Variants in DNAI7 observed in about 807,000 individuals in gnomAD.
DNAI7 encodes dynein axonemal intermediate chain 7.
A neutral mutation model predicts 86.6 loss-of-function variants in DNAI7; 78 were observed. The observed-to-expected ratio is 0.90, with a 90% CI of 0.75 to 1.09. The LOEUF (loss-of-function observed/expected upper bound fraction) is 1.09. DNAI7 is among the 50% of genes least tolerant of loss of function. DNAI7 has a pLI of 0.00. For synonymous variants in DNAI7, 274 were observed against 273.0 expected (o/e 1.00, Z -0.04); for missense variants, 753 against 810.2 (o/e 0.93, Z 0.86).
rs1423086398 is a variant in DNAI7, at chr12:25,180,744, G to C, written c.21+9870C>G. Among the ~76,000 whole-genome samples, 3 of 152,188 alleles carry C rather than the reference G, an allele frequency of 2.0e-5. No individual in the cohort carries two copies. In the East Asian group the frequency reaches 5.8e-4, roughly 29 times the overall value. ...ACTGGCTAGCCACTTGCAGAAGAAT[G>C]AAACTGGACCCCTAACTCTTAACAT... is the stretch of plus-strand genomic sequence containing the variant. On this transcript the variant is annotated intron_variant, in intron 2 of 15. Coordinates refer to ENST00000395987, the MANE Select transcript of DNAI7 (RefSeq NM_018272.5).
chr12:25,189,133 A>G (rs1237629643), intron 2 of DNAI7, among the ~76,000 whole-genome samples: 2 of 152,338 alleles, frequency 1.3e-5, no homozygotes, highest in Non-Finnish European at 2.9e-5. Flanking sequence ...GAAAGAGCCC[A>G]AGTGTTTTTA....
At chr12:25,143,696 G>T (rs1030521897) in intron 9 of DNAI7, among the ~76,000 whole-genome samples, 4 of 152,080 alleles carry the variant, frequency 2.6e-5, no homozygotes, top group Admixed American at 6.5e-5. Flanking sequence ...CATGTCTTAA[G>T]CACTTGTCAG....
intron 8 of DNAI7, among the ~76,000 whole-genome samples, chr12:25,146,273 TAA>T (rs35853537): frequency 5.0e-4 from 73 of 147,144 alleles, no homozygotes; most frequent in African/African-American, 6.0e-4. Context: ...AAAGATACAT[TAA>T]AAAAAAAAAA....
chr12:25,161,255 C>T (rs1285851022), intron 2 of DNAI7, 58 bp from the exon 3 acceptor site: 2 of 1,399,922 alleles, frequency 1.4e-6, no homozygotes, highest in East Asian at 2.3e-5. Flanking sequence ...TTGAAAAACA[C>T]ATCTTTTCAA....
intron 9 of DNAI7, among the ~76,000 whole-genome samples, chr12:25,130,788 G>A (rs1245311185): frequency 6.6e-6 from 1 of 151,904 alleles, no homozygotes; most frequent in Non-Finnish European, 1.5e-5. Context: ...TAAAAAGTTT[G>A]CATGATATAG....
intron 1 of DNAI7, among the ~76,000 whole-genome samples, chr12:25,190,990 A>G (rs1321360420): frequency 6.6e-6 from 1 of 152,224 alleles, no homozygotes; most frequent in Non-Finnish European, 1.5e-5. Context: ...AAAGGGTTCA[A>G]AGGACAATAA....
intron 4 of DNAI7, among the ~76,000 whole-genome samples, chr12:25,155,875 T>C (rs1203180313): frequency 6.6e-6 from 1 of 152,078 alleles, no homozygotes; most frequent in Non-Finnish European, 1.5e-5. Flanking sequence ...TTTGGGAGGC[T>C]GAGGCAGGCG....
At chr12:25,190,939 C>G (rs977608240) in intron 1 of DNAI7, among the ~76,000 whole-genome samples, 1 of 152,020 alleles carries the variant, frequency 6.6e-6, no homozygotes, top group Admixed American at 6.6e-5. Context: ...AATGAAATGC[C>G]CTGTTACTAA....
In DNAI7 at chr12:25,155,342, T is replaced by G. The variant is rs763850889; in HGVS notation, c.269A>C (p.Lys90Thr). The stretch of plus-strand genomic sequence containing the variant: ...AAGCAATTTAGTTTCCTGTTTCAAT[T>G]TCTCTGCTTCAGGAAAACACCTCTC... ...LLERCFPEAE[K>T]LKQETKLLSQ... The change falls in exon 5 of 16, where the codon AAA becomes ACA. Residue 90 changes from lysine (K) to threonine (T), a missense_variant. By Grantham distance (78) the Lys-to-Thr change is moderately conservative (BLOSUM62 -1). Coordinates refer to ENST00000395987, the MANE Select transcript of DNAI7 (RefSeq NM_018272.5). The G allele has an allele frequency of 6.2e-7, 1 of 1,605,118 alleles. No homozygotes were observed. Among genetic ancestry groups the G allele is most frequent in the South Asian group, 1.1e-5 (1 of 89,902 alleles).
At chr12:25,136,457 G>A (rs1943566552) in intron 9 of DNAI7, among the ~76,000 whole-genome samples, 1 of 152,158 alleles carries the variant, frequency 6.6e-6, no homozygotes, top group African/African-American at 2.4e-5. Context: ...ACCCAAGTGA[G>A]TAGGAACCAG....
chr12:25,191,532 G>A (rs1242917167), intron 1 of DNAI7, among the ~76,000 whole-genome samples: 1 of 151,840 alleles, frequency 6.6e-6, no homozygotes, highest in Non-Finnish European at 1.5e-5. Context: ...GTGAAACCCC[G>A]TCTCTACTAA....
chr12:25,189,510 C>T (rs1210229951), intron 2 of DNAI7, among the ~76,000 whole-genome samples: 1 of 152,042 alleles, frequency 6.6e-6, no homozygotes, highest in Non-Finnish European at 1.5e-5. Flanking sequence ...GGCATGGTGG[C>T]GCGTGCCTGT....
chr12:25,146,295 C>T (rs1944821946), intron 8 of DNAI7, among the ~76,000 whole-genome samples: 3 of 146,406 alleles, frequency 2.0e-5, no homozygotes, highest in African/African-American at 7.6e-5. Flanking sequence ...ATCCAGATTG[C>T]CATATAGAAA....
intron 7 of DNAI7, among the ~76,000 whole-genome samples, chr12:25,149,001 A>C (rs1945183244): frequency 6.6e-6 from 1 of 151,834 alleles, no homozygotes; most frequent in South Asian, 2.1e-4. Flanking sequence ...TTCTATTCTT[A>C]CTTTTATTTT....
chr12:25,158,638 A>G (rs1946490728), intron 3 of DNAI7, 75 bp from the exon 4 acceptor site: 23 of 1,522,912 alleles, frequency 1.5e-5, no homozygotes, highest in Non-Finnish European at 1.9e-5. Context: ...TACTCCTAAT[A>G]TTTTCAAGAT....
chr12:25,172,796 C>G (rs1364092524), intron 2 of DNAI7, among the ~76,000 whole-genome samples: 1 of 152,038 alleles, frequency 6.6e-6, no homozygotes, highest in South Asian at 2.1e-4. Context: ...AGAAATAAAC[C>G]CAAATACTTA....
intron 11 of DNAI7, among the ~76,000 whole-genome samples, chr12:25,121,248 A>G (rs1385522851): frequency 2.0e-5 from 3 of 152,220 alleles, no homozygotes; most frequent in Admixed American, 1.3e-4. Context: ...CCACTGATTT[A>G]GACTGGAGTC....
chr12:25,174,700 TATC>T (rs1473615829), intron 2 of DNAI7, among the ~76,000 whole-genome samples: 4 of 127,050 alleles, frequency 3.1e-5, no homozygotes, highest in Non-Finnish European at 6.4e-5. Flanking sequence ...GGAATATAGA[TATC>T]ATACATATGG....
chr12:25,148,070 ATATT>A (rs1266332205), intron 7 of DNAI7, among the ~76,000 whole-genome samples: 1 of 151,962 alleles, frequency 6.6e-6, no homozygotes, highest in Non-Finnish European at 1.5e-5. Context: ...GTTGAAGATT[ATATT>A]TATTATTAAT....
Sources: allele counts gnomAD v4.1 joint callset (sites outside exome capture counted in the v4.1 genomes callset), GRCh38; gene constraint gnomAD v4.1.1; transcripts MANE v1.5; gene names NCBI Gene and HGNC (gene_info 2026-07-23, HGNC 2026-07-21).